PPP1R13B: variants seen among roughly 807,000 people sequenced by gnomAD.
PPP1R13B encodes apoptosis-stimulating of p53 protein 1.
In PPP1R13B, 44 loss-of-function variants were observed where a neutral mutation model predicts 119.8. The observed-to-expected ratio is 0.37, with a 90% CI of 0.29 to 0.47. PPP1R13B has a LOEUF of 0.47. Among genes scored for constraint, PPP1R13B ranks in the 20% least tolerant of loss-of-function variants. The pLI is 0.99. For missense variants in PPP1R13B, 1,227 were observed against 1,413.5 expected, an observed-to-expected ratio of 0.87 and a Z score of 2.12; for synonymous variants, 542 against 561.5, an observed-to-expected ratio of 0.97 and a Z score of 0.49.
intron 1 of PPP1R13B, among the ~76,000 whole-genome samples, chr14:103,815,730 G>T (rs372690574): frequency 3.2e-4 from 49 of 151,676 alleles, no homozygotes; most frequent in East Asian, 2.1e-3. Flanking sequence ...ACTCCAGCCT[G>T]GGCAACAAGA....
Position 103,742,341 on chromosome 14 carries a change from A to C in PPP1R13B, c.1321-50T>G. ...AACAAAGTCACCCTTTGAACAGTTA[A>C]GAATATTTCCACCCACATTCCCAAG... is the stretch of plus-strand genomic sequence containing the variant. On this transcript the variant is annotated intron_variant, in intron 10 of 16. Coordinates refer to ENST00000202556, the MANE Select transcript of PPP1R13B (RefSeq NM_015316.3). This position sits in a 1 kb window ranked among gnomAD's most constrained non-coding sequence, Gnocchi z 4.9. 6.7e-7 allele frequency: 1 copy of C among 1,499,896 alleles called. No individual in the cohort carries two copies. Among genetic ancestry groups the C allele is most frequent in the South Asian group, 1.3e-5 (1 of 75,376 alleles). 92.9% of individuals were successfully genotyped at this position (1,499,896 alleles called of 1,614,324 possible). A position where few individuals can be genotyped will look rare whatever the true frequency, so the allele number is the denominator to read the frequency against.
In PPP1R13B at chr14:103,734,935, A is replaced by G. The variant is rs2084055937; in HGVS notation, c.*219T>C. 1.0e-5 allele frequency: 7 copies of G among 684,280 alleles called. No individual in the cohort carries two copies. In the Admixed American group the frequency reaches 1.4e-4, roughly 14 times the overall value. The allele number at this position is 684,280 out of a possible 1,614,324, so 42.4% of individuals were successfully genotyped here. On this transcript the variant is annotated 3_prime_UTR_variant, in exon 17 of 17. Transcript: ENST00000202556. ...TATTTGGATTTATAGTAATTGGCAA[A>G]ATTCAGTCCTTGGAGGCGAAAGTAC...
chr14:103,847,253 G>A (rs1421600265), intron 1 of PPP1R13B, 46 bp downstream of exon 1: 4 of 1,167,188 alleles, frequency 3.4e-6, no homozygotes, highest in African/African-American at 1.7e-5. Context: ...TTTGGCCAGC[G>A]GCCCGCGGAG....
upstream of PPP1R13B, among the ~76,000 whole-genome samples, chr14:103,848,757 A>G (rs1229241279): frequency 6.7e-6 from 1 of 149,226 alleles, no homozygotes; most frequent in Admixed American, 6.6e-5. Context: ...CCACCAGCCC[A>G]TTCCTGGGGA....
At position 103,740,370 on chromosome 14, in the gene PPP1R13B, T is replaced by C; in HGVS notation, c.2046A>G (p.Pro682=). The change falls in exon 12 of 17, where the codon CCA becomes CCG. Residue 682 remains proline, a synonymous_variant. Transcript: ENST00000202556. The surrounding 1 kb of genome is among the most constrained non-coding windows in gnomAD (Gnocchi z 4.6). ...GGTCTGCATCACTCTGGTAGCGCAGTGGCGAATGCACGATGGGCGTGAGCT... is the reference window on the plus strand; with the variant it reads ...GGTCTGCATCACTCTGGTAGCGCAGCGGCGAATGCACGATGGGCGTGAGCT... ...PTKLTPIVHS[P]LRYQSDADLE... The C allele has an allele frequency of 1.9e-6, 3 of 1,566,730 alleles. No individual in the cohort carries two copies. Among genetic ancestry groups the C allele is most frequent in the Non-Finnish European group, 2.6e-6 (3 of 1,153,846 alleles).
At chr14:103,835,583 C>G (rs905863156) in intron 1 of PPP1R13B, among the ~76,000 whole-genome samples, 3 of 151,370 alleles carry the variant, frequency 2.0e-5, no homozygotes, top group Non-Finnish European at 4.4e-5. Context: ...AGGCATGCCA[C>G]TATGTCCTGC....
chr14:103,812,301 T>C (rs886155067), intron 1 of PPP1R13B, among the ~76,000 whole-genome samples: 10 of 151,178 alleles, frequency 6.6e-5, no homozygotes, highest in Non-Finnish European at 1.0e-4. Flanking sequence ...TTTTTGTATA[T>C]TTTTAGTAGA....
At chr14:103,814,966 G>GA (rs887468529) in intron 1 of PPP1R13B, among the ~76,000 whole-genome samples, 1 of 151,186 alleles carries the variant, frequency 6.6e-6, no homozygotes, top group East Asian at 1.9e-4. Flanking sequence ...CAAAAGGAAA[G>GA]AAAAAAAATA....
At chr14:103,797,568 G>T (rs748213393) in intron 1 of PPP1R13B, 50 bp from the exon 2 acceptor site, 14 of 1,485,114 alleles carry the variant, frequency 9.4e-6, no homozygotes, top group East Asian at 4.8e-5. Flanking sequence ...ATCACAAACA[G>T]ATTAATCTGT....
At chr14:103,743,821 TCTGAGCG>T (rs2084319496) in intron 9 of PPP1R13B, 1 of 152,266 alleles carries the variant, frequency 6.6e-6, no homozygotes, top group Non-Finnish European at 1.5e-5. Context: ...CCGGCTGCGC[TCTGAGCG>T]CCTGGGCAAC....
chr14:103,806,383 G>A (rs2086018664), intron 1 of PPP1R13B, among the ~76,000 whole-genome samples: 1 of 152,080 alleles, frequency 6.6e-6, no homozygotes, highest in African/African-American at 2.4e-5. Flanking sequence ...AAAAATAACT[G>A]AAGAGAAATA....
At chr14:103,781,836 T>G (rs1393326086) in intron 3 of PPP1R13B, among the ~76,000 whole-genome samples, 1 of 152,072 alleles carries the variant, frequency 6.6e-6, no homozygotes, top group Admixed American at 6.6e-5. Flanking sequence ...GTATTTTTAG[T>G]AGAGACGGGA....
At chr14:103,793,214 A>G (rs1433927053) in intron 2 of PPP1R13B, among the ~76,000 whole-genome samples, 1 of 151,856 alleles carries the variant, frequency 6.6e-6, no homozygotes, top group African/African-American at 2.4e-5. Flanking sequence ...AAGGAAAGAA[A>G]AGGAAAGAAA....
chr14:103,740,016 T>C lies in PPP1R13B; in HGVS notation c.2400A>G (p.Glu800=), dbSNP rs1395704616. ...TTTGGGGACAGATGAGCTCCTCTGGTTCGGGGGAAGGTAACTCATTATCAT... is the reference window on the plus strand; with the variant it reads ...TTTGGGGACAGATGAGCTCCTCTGGCTCGGGGGAAGGTAACTCATTATCAT... ...DANDNELPSP[E]PEELICPQTT... The change falls in exon 12 of 17, where the codon GAA becomes GAG. Residue 800 remains glutamate, a synonymous_variant. Coordinates refer to ENST00000202556, the MANE Select transcript of PPP1R13B (RefSeq NM_015316.3). The surrounding 1 kb of genome is among the most constrained non-coding windows in gnomAD (Gnocchi z 4.6). The C allele has an allele frequency of 6.2e-6, 10 of 1,613,836 alleles. No homozygotes were observed. Among genetic ancestry groups the C allele is most frequent in the Non-Finnish European group, 8.5e-6 (10 of 1,179,976 alleles).
At chr14:103,754,597 T>G (rs372604535) in intron 5 of PPP1R13B, among the ~76,000 whole-genome samples, 1 of 148,094 alleles carries the variant, frequency 6.8e-6, no homozygotes, top group African/African-American at 2.5e-5. Flanking sequence ...TTGAAACTTA[T>G]GATTACTTTT....
chr14:103,804,256 C>G (rs750452665), intron 1 of PPP1R13B, among the ~76,000 whole-genome samples: 2 of 152,134 alleles, frequency 1.3e-5, no homozygotes, highest in Non-Finnish European at 2.9e-5. Flanking sequence ...GTCATCTTAC[C>G]CTTGCTTTCA....
At chr14:103,787,482 C>T (rs1406527638) in intron 2 of PPP1R13B, among the ~76,000 whole-genome samples, 1 of 150,106 alleles carries the variant, frequency 6.7e-6, no homozygotes, top group African/African-American at 2.5e-5. Context: ...TATCAGCTCA[C>T]GTGCTCTATC....
chr14:103,812,522 C>T (rs1295751068), intron 1 of PPP1R13B, among the ~76,000 whole-genome samples: 2 of 152,116 alleles, frequency 1.3e-5, no homozygotes, highest in South Asian at 2.1e-4. Flanking sequence ...TGGGTTCGAG[C>T]GATTCTCGTG....
In PPP1R13B at chr14:103,847,079, A is replaced by T. The variant is rs926842843; in HGVS notation, c.9+220T>A. 21 of 1,000,104 alleles carry T rather than the reference A, an allele frequency of 2.1e-5. No individual in the cohort carries two copies. In the African/African-American group the frequency reaches 3.3e-4, roughly 16 times the overall value. 62.0% of individuals were successfully genotyped at this position (1,000,104 alleles called of 1,614,324 possible). A position where few individuals can be genotyped will look rare whatever the true frequency, so the allele number is the denominator to read the frequency against. ...CCCGCGGCCGCGGAGGCCGAGCAGGAAGGGCCCGCAGGCGGCCCCGGCCCC... is the reference window on the plus strand; with the variant it reads ...CCCGCGGCCGCGGAGGCCGAGCAGGTAGGGCCCGCAGGCGGCCCCGGCCCC... On this transcript the variant is annotated intron_variant, in intron 1 of 16. Transcript: ENST00000202556.
Sources: gnomAD v4.1 joint callset for allele counts (sites outside exome capture counted in the v4.1 genomes callset) on GRCh38, gnomAD v4.1.1 for gene constraint, Gnocchi (gnomAD v3.1) non-coding constraint, MANE v1.5 for transcripts, NCBI Gene and HGNC (gene_info 2026-07-23, HGNC 2026-07-21) for gene names.